The following RNF130 variants were observed in gnomAD, a reference collection of about 807,000 sequenced individuals.
RNF130 encodes E3 ubiquitin-protein ligase RNF130.
In RNF130, 21 loss-of-function variants were observed where a neutral mutation model predicts 44.6. That is an observed-to-expected ratio of 0.47 (90% confidence interval 0.33 to 0.68). The LOEUF is 0.68. Among genes scored for constraint, RNF130 ranks in the 30% least tolerant of loss-of-function variants. RNF130 has a pLI of 0.02. For synonymous variants in RNF130, 214 were observed against 210.4 expected, an observed-to-expected ratio of 1.02 and a Z score of -0.15; for missense variants, 479 against 560.6, an observed-to-expected ratio of 0.85 and a Z score of 1.47.
chr5:180,070,071 C>T (rs1255705187), intron 1 of RNF130, among the ~76,000 whole-genome samples: 1 of 152,174 alleles, frequency 6.6e-6, no homozygotes, highest in Non-Finnish European at 1.5e-5. Flanking sequence ...CAACAGCTTG[C>T]CTCCCCTTCC....
At chr5:180,015,213 T>C in intron 2 of RNF130, 2 of 391,908 alleles carry the variant, frequency 5.1e-6, no homozygotes, top group Non-Finnish European at 1.1e-5. Flanking sequence ...ATCAGTAAAT[T>C]AGAGACAATC....
chr5:180,042,861 T>TA (rs1764457908), intron 1 of RNF130, among the ~76,000 whole-genome samples: 3 of 152,188 alleles, frequency 2.0e-5, no homozygotes, highest in Admixed American at 2.0e-4. Context: ...GCAAACAACA[T>TA]AGTTATGGAA....
At chr5:179,921,081 C>A (rs1761625786) in intron 7 of RNF130, among the ~76,000 whole-genome samples, 1 of 152,098 alleles carries the variant, frequency 6.6e-6, no homozygotes, top group South Asian at 2.1e-4. Flanking sequence ...GCTGTGCTTA[C>A]ATTTCCTTTT....
At chr5:179,983,708 AATGTATAC>A (rs1410319206) in intron 3 of RNF130, among the ~76,000 whole-genome samples, 4 of 152,200 alleles carry the variant, frequency 2.6e-5, no homozygotes, top group African/African-American at 9.7e-5. Context: ...GATTGTGCTG[AATGTATAC>A]ATCCACTTGG....
chr5:180,007,784 C>A (rs1763495829), intron 3 of RNF130, among the ~76,000 whole-genome samples: 1 of 152,098 alleles, frequency 6.6e-6, no homozygotes, highest in African/African-American at 2.4e-5. Context: ...AGCCCCGGCC[C>A]CACACTGGGT....
intron 1 of RNF130, among the ~76,000 whole-genome samples, chr5:180,052,807 A>G (rs1764717882): frequency 6.6e-6 from 1 of 152,238 alleles, no homozygotes; most frequent in Admixed American, 6.5e-5. Context: ...AGACTGAGAG[A>G]GATTGCTCAC....
intron 2 of RNF130, among the ~76,000 whole-genome samples, chr5:180,038,660 A>C (rs1013327071): frequency 6.6e-6 from 1 of 152,056 alleles, no homozygotes; most frequent in Admixed American, 6.5e-5. Flanking sequence ...ACAGCTGGGA[A>C]ATGCTGCATT....
exon 8 of RNF130, chr5:179,917,719 T>C (rs1231367547): frequency 6.6e-6 from 1 of 152,174 alleles, no homozygotes; most frequent in Non-Finnish European, 1.5e-5. Context: ...ATGCCATTCT[T>C]GGCTGGGCAT....
At position 179,967,952 on chromosome 5, in the gene RNF130, T is replaced by C. The variant is rs545873532; in HGVS notation, c.946-942A>G. The stretch of plus-strand genomic sequence containing the variant: ...TCCAATGATAACCTGCAATACATTT[T>C]AGGAGGATTTTTGTTATAAACAGAG... On this transcript the variant is annotated intron_variant, in intron 6 of 8. Coordinates refer to ENST00000521389, the MANE Select transcript of RNF130 (RefSeq NM_018434.6). 9.4e-4 allele frequency among the ~76,000 whole-genome samples: 144 copies of C among 152,382 alleles called. 1 individual carries two copies. The highest frequency in any genetic ancestry group is 8.5e-3 in the Admixed American group (130 of 15,304).
chr5:179,957,831 G>A (rs1038192624), intron 8 of RNF130, among the ~76,000 whole-genome samples: 9 of 152,168 alleles, frequency 5.9e-5, no homozygotes, highest in East Asian at 3.8e-4. Context: ...GTTACAAGAC[G>A]GGCTGTGTGA....
intron 7 of RNF130, chr5:179,939,869 T>C (rs1761948051): frequency 5.6e-6 from 2 of 354,718 alleles, no homozygotes; most frequent in Admixed American, 3.3e-5. Context: ...ATCTGAGTTA[T>C]GGAGGGTGAA....
At chr5:179,928,638 T>G (rs1381354563) in intron 7 of RNF130, among the ~76,000 whole-genome samples, 1 of 151,624 alleles carries the variant, frequency 6.6e-6, no homozygotes, top group Non-Finnish European at 1.5e-5. Flanking sequence ...GTTGTTTTTT[T>G]TTTTTTTTGA....
intron 3 of RNF130, among the ~76,000 whole-genome samples, chr5:179,997,384 C>T (rs1020242378): frequency 6.6e-6 from 1 of 152,170 alleles, no homozygotes; most frequent in Non-Finnish European, 1.5e-5. Context: ...AGCGCACTGG[C>T]GCAATCTCGG....
intron 8 of RNF130, among the ~76,000 whole-genome samples, chr5:179,961,548 G>C (rs999085154): frequency 6.6e-6 from 1 of 152,198 alleles, no homozygotes; most frequent in Non-Finnish European, 1.5e-5. Context: ...CTGAACATCA[G>C]ACAGATTCTG....
At chr5:180,038,617 A>C (rs1468139845) in intron 2 of RNF130, among the ~76,000 whole-genome samples, 4 of 152,048 alleles carry the variant, frequency 2.6e-5, no homozygotes, top group Admixed American at 6.5e-5. Flanking sequence ...GTCCTCTAGG[A>C]ACATATCTAA....
At chr5:179,971,623 C>A (rs867044775) in intron 5 of RNF130, among the ~76,000 whole-genome samples, 1 of 152,236 alleles carries the variant, frequency 6.6e-6, no homozygotes, top group Admixed American at 6.5e-5. Context: ...CCCGCCTCGG[C>A]CTCCCAAAGT....
chr5:179,974,455 C>A (rs771947378), intron 5 of RNF130, among the ~76,000 whole-genome samples: 13 of 152,218 alleles, frequency 8.5e-5, no homozygotes, highest in African/African-American at 1.9e-4. Context: ...GGCCCCTCCG[C>A]CATGCCAACT....
In RNF130 at chr5:180,067,084, G is replaced by A. The variant is rs974444941; in HGVS notation, c.247+4372C>T. ...TTTACAGTCACACCTTATTCAAGGCGGGAGGGATCTCAGAAGTTATCTAGT... is the reference window on the plus strand; with the variant it reads ...TTTACAGTCACACCTTATTCAAGGCAGGAGGGATCTCAGAAGTTATCTAGT... On this transcript the variant is annotated intron_variant, in intron 1 of 8. Coordinates refer to ENST00000521389, the MANE Select transcript of RNF130 (RefSeq NM_018434.6). Among the ~76,000 whole-genome samples, 10 of 152,080 alleles carry A rather than the reference G, an allele frequency of 6.6e-5. No homozygotes were observed. The East Asian group carries it at 9.7e-4, about 15-fold the overall frequency.
At chr5:180,050,860 T>G (rs982749138) in intron 1 of RNF130, among the ~76,000 whole-genome samples, 1 of 152,148 alleles carries the variant, frequency 6.6e-6, no homozygotes, top group Admixed American at 6.5e-5. Flanking sequence ...CAGGGTGGAG[T>G]GCAGTGGCAC....
Sources: gnomAD v4.1 joint callset for allele counts (sites outside exome capture counted in the v4.1 genomes callset) on GRCh38, gnomAD v4.1.1 for gene constraint, MANE v1.5 for transcripts, NCBI Gene and HGNC (gene_info 2026-07-23, HGNC 2026-07-21) for gene names.